EXT1: variants seen among roughly 807,000 people sequenced by gnomAD.
EXT1 encodes the protein exostosin-1.
A neutral mutation model predicts 82.5 loss-of-function variants in EXT1; 20 were observed. The observed-to-expected ratio is 0.24, with a 90% CI of 0.17 to 0.35. The LOEUF (loss-of-function observed/expected upper bound fraction) is 0.35, where lower values mean the gene tolerates loss of function less well. Among genes scored for constraint, EXT1 ranks in the 10% least tolerant of loss-of-function variants. The pLI, the probability that EXT1 is intolerant of heterozygous loss-of-function variation, is 1.00. For missense variants in EXT1, 757 were observed against 936.5 expected (o/e 0.81, Z 2.50); for synonymous variants, 348 against 350.8 (o/e 0.99, Z 0.09).
intron 1 of EXT1, among the ~76,000 whole-genome samples, chr8:118,072,834 A>C: frequency 6.6e-6 from 1 of 152,226 alleles, no homozygotes. Flanking sequence ...AGAAATCGAG[A>C]GAAAAACATT....
At chr8:118,031,618 A>G (rs963387940) in intron 1 of EXT1, among the ~76,000 whole-genome samples, 5 of 151,790 alleles carry the variant, frequency 3.3e-5, no homozygotes, top group African/African-American at 1.2e-4. Flanking sequence ...AGCCAATAAA[A>G]CCCTCTGTGA....
chr8:117,805,543 T>C (rs1823224769), intron 9 of EXT1, among the ~76,000 whole-genome samples: 3 of 152,178 alleles, frequency 2.0e-5, no homozygotes, highest in Admixed American at 2.0e-4. Context: ...TAGCATATAT[T>C]TATAGGAAAA....
chr8:117,838,777 C>A (rs940856467), intron 1 of EXT1, among the ~76,000 whole-genome samples: 1 of 151,366 alleles, frequency 6.6e-6, no homozygotes, highest in African/African-American at 2.4e-5. Flanking sequence ...GAGAAATATG[C>A]ACACACACAC....
At chr8:117,983,679 C>A (rs1409548303) in intron 1 of EXT1, among the ~76,000 whole-genome samples, 1 of 152,076 alleles carries the variant, frequency 6.6e-6, no homozygotes, top group Non-Finnish European at 1.5e-5. Context: ...AAGTTAAACA[C>A]CATTTTAATA....
At chr8:118,021,821 A>C (rs1172505399) in intron 1 of EXT1, among the ~76,000 whole-genome samples, 2 of 152,186 alleles carry the variant, frequency 1.3e-5, no homozygotes, top group Non-Finnish European at 2.9e-5. Context: ...TCCTCTGGGC[A>C]AAGACATTCC....
At chr8:118,100,804 A>G (rs922544800) in intron 1 of EXT1, among the ~76,000 whole-genome samples, 1 of 152,058 alleles carries the variant, frequency 6.6e-6, no homozygotes, top group African/African-American at 2.4e-5. Context: ...AGAGCAGTCA[A>G]CCTGGGAACC....
intron 1 of EXT1, among the ~76,000 whole-genome samples, chr8:117,901,668 T>C (rs921986526): frequency 2.6e-5 from 4 of 152,226 alleles, no homozygotes; most frequent in African/African-American, 7.2e-5. Context: ...ACATATTGTA[T>C]ATAGCTTTAC....
chr8:117,835,583 G>C (rs114734091), intron 2 of EXT1, 32 bp from the exon 3 acceptor site: 1 of 1,500,504 alleles, frequency 6.7e-7, no homozygotes, highest in Admixed American at 1.7e-5. Context: ...GTGAATGTGA[G>C]GAAAGCGACA....
chr8:118,097,554 G>A (rs1237382121), intron 1 of EXT1, among the ~76,000 whole-genome samples: 1 of 152,168 alleles, frequency 6.6e-6, no homozygotes, highest in African/African-American at 2.4e-5. Flanking sequence ...AGAGTCTACT[G>A]TACAGTTAAG....
intron 1 of EXT1, among the ~76,000 whole-genome samples, chr8:117,858,765 G>GCAGGC (rs1471461893): frequency 2.0e-5 from 2 of 98,024 alleles, no homozygotes; most frequent in African/African-American, 4.9e-5. Flanking sequence ...AGGAAGGAAG[G>GCAGGC]AAGGCAGGCA....
intron 1 of EXT1, among the ~76,000 whole-genome samples, chr8:118,040,309 T>TA (rs902255520): frequency 1.3e-5 from 2 of 152,172 alleles, no homozygotes; most frequent in African/African-American, 4.8e-5. Flanking sequence ...TGAAAAGTTG[T>TA]AAAAAACCAG....
chr8:117,830,121 G>C, intron 4 of EXT1, 109 bp downstream of exon 4: 1 of 1,395,806 alleles, frequency 7.2e-7, no homozygotes, highest in Non-Finnish European at 1.0e-6. Context: ...ACAGGAATCT[G>C]GTTTTGCCCC....
intron 1 of EXT1, among the ~76,000 whole-genome samples, chr8:117,918,677 C>T (rs759308116): frequency 9.2e-5 from 14 of 152,162 alleles, no homozygotes; most frequent in Non-Finnish European, 1.5e-4. Flanking sequence ...CCAGAGCGGG[C>T]GTGAGAGGCT....
chr8:117,987,357 C>A (rs1345360787), intron 1 of EXT1, among the ~76,000 whole-genome samples: 2 of 152,206 alleles, frequency 1.3e-5, no homozygotes, highest in African/African-American at 4.8e-5. Context: ...CACAGCCTCC[C>A]AAGATGCAGA....
intron 1 of EXT1, among the ~76,000 whole-genome samples, chr8:118,015,272 T>C (rs1048748054): frequency 1.3e-5 from 2 of 152,234 alleles, no homozygotes; most frequent in African/African-American, 2.4e-5. Flanking sequence ...TTAGAATCCA[T>C]GTTTGTCATG....
At chr8:117,845,462 C>T (rs907782193) in intron 1 of EXT1, among the ~76,000 whole-genome samples, 3 of 151,924 alleles carry the variant, frequency 2.0e-5, no homozygotes, top group Admixed American at 1.3e-4. Flanking sequence ...ACAACATGTA[C>T]CAGGTGTAGC....
At chr8:117,854,296 C>G (rs561582760) in intron 1 of EXT1, among the ~76,000 whole-genome samples, 1 of 149,728 alleles carries the variant, frequency 6.7e-6, no homozygotes, top group African/African-American at 2.5e-5. Flanking sequence ...TTAGGGATTA[C>G]AGGACCTACC....
intron 1 of EXT1, among the ~76,000 whole-genome samples, chr8:118,050,672 A>G (rs1274521116): frequency 6.6e-6 from 1 of 152,220 alleles, no homozygotes; most frequent in African/African-American, 2.4e-5. Context: ...ATTTATGAAC[A>G]CTGACATTTG....
At chr8:118,017,542 A>AG (rs1816024993) in intron 1 of EXT1, among the ~76,000 whole-genome samples, 1 of 152,130 alleles carries the variant, frequency 6.6e-6, no homozygotes, top group Non-Finnish European at 1.5e-5. Flanking sequence ...ACTGGTATGC[A>AG]GACACTCTTG....
Sources: gnomAD v4.1 joint callset for allele counts (sites outside exome capture counted in the v4.1 genomes callset) on GRCh38, gnomAD v4.1.1 for gene constraint, MANE v1.5 for transcripts, NCBI Gene and HGNC (gene_info 2026-07-23, HGNC 2026-07-21) for gene names.